Variants in STIM1 observed in about 807,000 individuals in gnomAD.
STIM1 encodes stromal interaction molecule 1.
Under a neutral mutation model 74.7 loss-of-function variants are expected in STIM1, and 25 were observed. That is an observed-to-expected ratio of 0.33 (90% CI 0.24 to 0.47). The LOEUF (loss-of-function observed/expected upper bound fraction) is 0.47, where lower values mean the gene tolerates loss of function less well. Ranked by LOEUF, STIM1 falls within the 20% of genes least tolerant of loss-of-function variation. The probability of loss-of-function intolerance (pLI) is 1.00; values close to 1 mark genes in which losing one functional copy is unlikely to be tolerated. For synonymous variants in STIM1, 328 were observed against 348.8 expected (o/e 0.94, Z 0.66); for missense variants, 728 against 920.8 (o/e 0.79, Z 2.71).
intron 5 of STIM1, among the ~76,000 whole-genome samples, chr11:4,066,356 T>C (rs968333667): frequency 6.6e-6 from 1 of 152,212 alleles, no homozygotes; most frequent in South Asian, 2.1e-4. Context: ...GCATTTGCCC[T>C]CTATATGCAC....
At chr11:4,006,024 A>C (rs1379477694) in intron 2 of STIM1, among the ~76,000 whole-genome samples, 1 of 152,146 alleles carries the variant, frequency 6.6e-6, no homozygotes, top group Non-Finnish European at 1.5e-5. Flanking sequence ...TATGGGTTTG[A>C]TATGGCTTGG....
chr11:3,978,907 C>T (rs776552708), intron 2 of STIM1, among the ~76,000 whole-genome samples: 4 of 152,068 alleles, frequency 2.6e-5, no homozygotes, highest in Admixed American at 6.6e-5. Flanking sequence ...TTGGCTTCAG[C>T]GCTCCCACCA....
intron 1 of STIM1, among the ~76,000 whole-genome samples, chr11:3,945,532 G>A (rs2093062002): frequency 6.6e-6 from 1 of 152,138 alleles, no homozygotes; most frequent in South Asian, 2.1e-4. Context: ...CCGGGAGGCG[G>A]AGGTTGCAGT....
rs1247465630 is a variant in STIM1, at chr11:3,895,853, TTC to T, written c.139+39458_139+39459del. ...TCTTTCTTTCTTTCTCTTTCTTTCT[TTC>T]TCTCTCTCTCTCTTTCTTTTCTTTT... On this transcript the variant is annotated intron_variant, in intron 1 of 12. Transcript: ENST00000526596. Among the ~76,000 whole-genome samples, 26 of 113,228 alleles carry T rather than the reference TTC, an allele frequency of 2.3e-4. 1 individual carries two copies. The South Asian group carries it at 2.7e-3, about 12-fold the overall frequency. 74.3% of individuals were successfully genotyped at this position (113,228 alleles called of 152,430 possible). A position where few individuals can be genotyped will look rare whatever the true frequency, so the allele number is the denominator to read the frequency against.
chr11:4,046,513 C>G (rs375634256), intron 3 of STIM1, among the ~76,000 whole-genome samples: 241 of 152,254 alleles, frequency 1.6e-3, no homozygotes, highest in African/African-American at 5.4e-3. Context: ...AGCTTTCCTT[C>G]TGAACTCCAG....
chr11:4,029,518 A>G (rs1035610404), intron 3 of STIM1, among the ~76,000 whole-genome samples: 6 of 144,094 alleles, frequency 4.2e-5, no homozygotes, highest in African/African-American at 1.5e-4. Flanking sequence ...TGGTGTGTCT[A>G]AATGGTCCCA....
In STIM1 at chr11:4,091,620, C is replaced by T; in HGVS notation, c.1973C>T (p.Pro658Leu). Reference sequence around the variant, plus strand: ...CCCAGCTCCCCAGACCCAGACACACCATCTCCAGTTGGGGACAGCCGAGCC... The same window carrying T: ...CCCAGCTCCCCAGACCCAGACACACTATCTCCAGTTGGGGACAGCCGAGCC... ...HSPSSPDPDT[P>L]SPVGDSRALQ... Residue 658 changes from proline (P) to leucine (L), a missense_variant, in exon 13 of 13, where the codon CCA (proline) becomes CTA (leucine). Pro to Leu is a moderately conservative substitution (Grantham distance 98). This residue lies in a region of STIM1 where 352 missense variants were observed against 370.1 expected (regional missense o/e 0.95). Transcript: ENST00000526596. 6.2e-7 allele frequency: 1 copy of T among 1,614,198 alleles called. No individual in the cohort carries two copies. Among genetic ancestry groups the T allele is most frequent in the Non-Finnish European group, 8.5e-7 (1 of 1,180,032 alleles).
chr11:3,941,877 G>A (rs1043182022), intron 1 of STIM1, among the ~76,000 whole-genome samples: 3 of 151,668 alleles, frequency 2.0e-5, no homozygotes, highest in Admixed American at 6.6e-5. Flanking sequence ...TAGAGAGAGG[G>A]TCTTATGTTG....
intron 11 of STIM1, 119 bp downstream of exon 11, chr11:4,084,884 C>G: frequency 1.3e-6 from 1 of 746,834 alleles, no homozygotes; most frequent in South Asian, 1.5e-5. Flanking sequence ...CCTCTATCCC[C>G]TCAGCACTGT....
intron 2 of STIM1, among the ~76,000 whole-genome samples, chr11:4,005,844 C>G (rs970571999): frequency 6.6e-6 from 1 of 152,140 alleles, no homozygotes; most frequent in Non-Finnish European, 1.5e-5. Flanking sequence ...CCTTGAGCAA[C>G]AGCTTCTGAT....
chr11:3,979,424 CT>C (rs900937798), intron 2 of STIM1, among the ~76,000 whole-genome samples: 2 of 152,050 alleles, frequency 1.3e-5, no homozygotes, highest in Admixed American at 6.6e-5. Context: ...CGATTTTAGC[CT>C]TTCTTTTCTT....
chr11:4,014,608 T>A (rs1395004095), intron 2 of STIM1, among the ~76,000 whole-genome samples: 2 of 152,198 alleles, frequency 1.3e-5, no homozygotes, highest in African/African-American at 4.8e-5. Context: ...ATATCCTTGT[T>A]AATTTTCTGT....
At chr11:4,050,451 C>T (rs1037370777) in intron 3 of STIM1, among the ~76,000 whole-genome samples, 2 of 152,124 alleles carry the variant, frequency 1.3e-5, no homozygotes, top group African/African-American at 4.8e-5. Context: ...CCAATTGGGA[C>T]AGTTCTTGTC....
At position 3,876,707 on chromosome 11, in the gene STIM1, A is replaced by G. The variant is rs768502906; in HGVS notation, c.139+20298A>G. Among the ~76,000 whole-genome samples the G allele has an allele frequency of 1.8e-4, 27 of 150,382 alleles. No homozygotes were observed. In the Middle Eastern group the frequency reaches 0.01, roughly 58 times the overall value. ...TATGGGCCACTGGGTCTGGCCTTCA[A>G]TACATGTTTATTGAGTCCTGCCTGG... On this transcript the variant is annotated intron_variant, in intron 1 of 12. Coordinates refer to ENST00000526596, the MANE Select transcript of STIM1 (RefSeq NM_001382567.1).
At chr11:3,889,945 T>C (rs1281766251) in intron 1 of STIM1, among the ~76,000 whole-genome samples, 1 of 152,186 alleles carries the variant, frequency 6.6e-6, no homozygotes, top group African/African-American at 2.4e-5. Context: ...ACGGGCCTTT[T>C]TACTTTGTGA....
At chr11:3,993,433 G>C (rs557039688) in intron 2 of STIM1, among the ~76,000 whole-genome samples, 1 of 152,206 alleles carries the variant, frequency 6.6e-6, no homozygotes, top group African/African-American at 2.4e-5. Flanking sequence ...AAGGTGGGCA[G>C]ATCACTTGAG....
intron 1 of STIM1, among the ~76,000 whole-genome samples, chr11:3,870,061 G>A (rs1447082462): frequency 6.6e-6 from 1 of 152,144 alleles, no homozygotes; most frequent in Non-Finnish European, 1.5e-5. Context: ...GAACTTATTT[G>A]AAGTGCTGGG....
intron 2 of STIM1, among the ~76,000 whole-genome samples, chr11:4,023,340 C>CAAAA (rs1190994048): frequency 5.3e-5 from 8 of 152,050 alleles, no homozygotes; most frequent in African/African-American, 1.9e-4. Context: ...GACAAACAAA[C>CAAAA]AAACAAACAA....
At chr11:4,067,935 A>G (rs1408005009) in intron 5 of STIM1, among the ~76,000 whole-genome samples, 1 of 152,226 alleles carries the variant, frequency 6.6e-6, no homozygotes, top group Non-Finnish European at 1.5e-5. Context: ...AACCTTAAAG[A>G]GTAAATCAAC....
Sources: gnomAD v4.1 joint callset for allele counts (sites outside exome capture counted in the v4.1 genomes callset) on GRCh38, gnomAD v4.1.1 for gene constraint, gnomAD v4.1.1 regional missense constraint, MANE v1.5 for transcripts, NCBI Gene and HGNC (gene_info 2026-07-23, HGNC 2026-07-21) for gene names.